The following SOX5 variants were observed in gnomAD, a reference collection of about 807,000 sequenced individuals.
The protein encoded by SOX5 is SRY-box transcription factor 5.
In SOX5, 9 loss-of-function variants were observed where a neutral mutation model predicts 92.0. The observed-to-expected ratio is 0.10, with a 90% CI of 0.06 to 0.17. SOX5 has a LOEUF of 0.17. Among genes scored for constraint, SOX5 ranks in the 10% least tolerant of loss-of-function variants. SOX5 has a pLI of 1.00. For missense variants in SOX5, 642 were observed against 944.5 expected, an observed-to-expected ratio of 0.68 and a Z score of 4.20; for synonymous variants, 344 against 336.3, an observed-to-expected ratio of 1.02 and a Z score of -0.25.
At chr12:24,526,932 C>T (rs1047997476) in intron 1 of SOX5, among the ~76,000 whole-genome samples, 1 of 151,900 alleles carries the variant, frequency 6.6e-6, no homozygotes, top group Admixed American at 6.6e-5. Flanking sequence ...GATTATGCCA[C>T]CTCAGCCTCC....
chr12:24,365,693 T>TTTTTTTTTTTTTTTG (rs1446820122), intron 2 of SOX5, among the ~76,000 whole-genome samples: 2 of 150,918 alleles, frequency 1.3e-5, no homozygotes, highest in Non-Finnish European at 3.0e-5. Flanking sequence ...AATACTTTTT[T>TTTTTTTTTTTTTTTG]AACTGAAGTT....
chr12:24,263,769 C>T (rs529598373), intron 3 of SOX5, among the ~76,000 whole-genome samples: 14 of 152,152 alleles, frequency 9.2e-5, no homozygotes, highest in African/African-American at 3.1e-4. Flanking sequence ...CAATATTTAC[C>T]TACGTAGCAT....
intron 5 of SOX5, among the ~76,000 whole-genome samples, chr12:23,735,765 G>C (rs2093567688): frequency 6.6e-6 from 1 of 152,180 alleles, no homozygotes; most frequent in Non-Finnish European, 1.5e-5. Flanking sequence ...TTAGGAAACA[G>C]CACAATCACT....
intron 1 of SOX5, among the ~76,000 whole-genome samples, chr12:24,412,900 TGCCC>T (rs1964373178): frequency 6.6e-6 from 1 of 151,042 alleles, no homozygotes; most frequent in Non-Finnish European, 1.5e-5. Flanking sequence ...GGACTACAGG[TGCCC>T]ACCACCACGC....
chr12:23,699,862 T>C (rs2090381838), intron 6 of SOX5, among the ~76,000 whole-genome samples: 1 of 152,072 alleles, frequency 6.6e-6, no homozygotes, highest in South Asian at 2.1e-4. Context: ...TGTAGCCTAG[T>C]GGTTAAGAGA....
chr12:24,521,400 A>G (rs1168747157), intron 1 of SOX5, among the ~76,000 whole-genome samples: 1 of 152,242 alleles, frequency 6.6e-6, no homozygotes, highest in Non-Finnish European at 1.5e-5. Flanking sequence ...TGAATAGAAG[A>G]GCCAGACAGA....
chr12:23,536,393 C>T (rs1940458658), intron 14 of SOX5, 60 bp downstream of exon 14: 1 of 1,282,454 alleles, frequency 7.8e-7, no homozygotes, highest in Admixed American at 1.7e-5. Context: ...ATATGTTTCA[C>T]ATCCCATTAA....
At chr12:23,617,995 A>G (rs1028494126) in intron 8 of SOX5, among the ~76,000 whole-genome samples, 3 of 152,044 alleles carry the variant, frequency 2.0e-5, no homozygotes, top group Non-Finnish European at 4.4e-5. Flanking sequence ...TGTATGACCT[A>G]TTCGATTGAC....
chr12:23,873,537 C>T (rs2096896896), intron 2 of SOX5, among the ~76,000 whole-genome samples: 1 of 152,150 alleles, frequency 6.6e-6, no homozygotes, highest in Non-Finnish European at 1.5e-5. Flanking sequence ...CACTTGTTTA[C>T]ATGTTTATAA....
intron 3 of SOX5, among the ~76,000 whole-genome samples, chr12:23,796,895 T>TTA (rs1408557127): frequency 7.7e-6 from 1 of 130,626 alleles, no homozygotes; most frequent in Admixed American, 7.8e-5. Flanking sequence ...ATATAAATAT[T>TTA]TATATATATA....
intron 3 of SOX5, among the ~76,000 whole-genome samples, chr12:24,263,830 T>A (rs551478001): frequency 6.6e-6 from 1 of 152,274 alleles, no homozygotes; most frequent in East Asian, 1.9e-4. Flanking sequence ...TCAAAGAAAT[T>A]TCAAATCAGA....
chr12:24,076,446 A>G (rs1319325960), intron 4 of SOX5, among the ~76,000 whole-genome samples: 1 of 152,166 alleles, frequency 6.6e-6, no homozygotes, highest in Non-Finnish European at 1.5e-5. Context: ...GTAGAATGAT[A>G]ATACCATCTG....
chr12:24,495,661 G>A (rs1321743415), intron 1 of SOX5, among the ~76,000 whole-genome samples: 5 of 152,112 alleles, frequency 3.3e-5, no homozygotes, highest in Non-Finnish European at 7.4e-5. Context: ...TCAAGGGTCT[G>A]ATTAAAGAAA....
intron 8 of SOX5, among the ~76,000 whole-genome samples, chr12:23,622,083 A>G (rs1358781235): frequency 1.3e-5 from 2 of 152,030 alleles, no homozygotes; most frequent in African/African-American, 2.4e-5. Flanking sequence ...TTGGGGTGAA[A>G]TTTACAGTGA....
intron 4 of SOX5, among the ~76,000 whole-genome samples, chr12:24,209,815 G>A (rs1337857155): frequency 6.6e-6 from 1 of 151,366 alleles, no homozygotes; most frequent in African/African-American, 2.4e-5. Flanking sequence ...TCAGGAGATC[G>A]AGACCATCCT....
intron 9 of SOX5, among the ~76,000 whole-genome samples, chr12:23,590,791 G>T (rs1336972493): frequency 2.0e-5 from 3 of 151,940 alleles, no homozygotes; most frequent in African/African-American, 4.8e-5. Context: ...GCTCATCTGT[G>T]AATAACAGTC....
At chr12:24,098,974 T>C (rs968324451) in intron 4 of SOX5, among the ~76,000 whole-genome samples, 6 of 152,170 alleles carry the variant, frequency 3.9e-5, no homozygotes, top group Admixed American at 2.0e-4. Context: ...AGTTCTGGAA[T>C]CATTCTTGAT....
At chr12:23,654,530 C>T (rs761273050) in intron 7 of SOX5, among the ~76,000 whole-genome samples, 6 of 152,032 alleles carry the variant, frequency 3.9e-5, no homozygotes, top group Non-Finnish European at 5.9e-5. Flanking sequence ...TCATTTTATA[C>T]TTTCTTAAAT....
chr12:23,617,128 GAAAAAAA>G (rs34672362), intron 8 of SOX5, among the ~76,000 whole-genome samples: 3 of 106,190 alleles, frequency 2.8e-5, no homozygotes, highest in Non-Finnish European at 5.8e-5. Context: ...TCTGTCTCAA[GAAAAAAA>G]AAAAAAAAAA....
Sources: allele counts gnomAD v4.1 joint callset (sites outside exome capture counted in the v4.1 genomes callset), GRCh38; gene constraint gnomAD v4.1.1; transcripts MANE v1.5; gene names NCBI Gene and HGNC (gene_info 2026-07-23, HGNC 2026-07-21).